Variants in ADAM12 observed in about 807,000 individuals in gnomAD.
The protein encoded by ADAM12 is disintegrin and metalloproteinase domain-containing protein 12.
Under a neutral mutation model 106.4 loss-of-function variants are expected in ADAM12, and 70 were observed. The observed-to-expected ratio is 0.66, with a 90% CI of 0.54 to 0.80. The LOEUF (loss-of-function observed/expected upper bound fraction) is 0.80, where lower values mean the gene tolerates loss of function less well. ADAM12 is among the 30% of genes least tolerant of loss of function. The probability of loss-of-function intolerance (pLI) is 0.00; values close to 1 mark genes in which losing one functional copy is unlikely to be tolerated. For missense variants in ADAM12, 1,010 were observed against 1,171.9 expected (o/e 0.86, Z 2.02); for synonymous variants, 420 against 433.5 (o/e 0.97, Z 0.39).
chr10:126,274,336 T>A (rs929176408), intron 3 of ADAM12, among the ~76,000 whole-genome samples: 1 of 152,166 alleles, frequency 6.6e-6, no homozygotes, highest in Non-Finnish European at 1.5e-5. Context: ...CTCCCCTGCC[T>A]AGGACCCACC....
chr10:126,047,061 G>A (rs565890053), intron 16 of ADAM12, among the ~76,000 whole-genome samples: 1 of 152,252 alleles, frequency 6.6e-6, no homozygotes, highest in Non-Finnish European at 1.5e-5. Context: ...GTAGTGGTAG[G>A]CATTTCCTAA....
intron 2 of ADAM12, among the ~76,000 whole-genome samples, chr10:126,326,599 C>T (rs1854312784): frequency 6.6e-6 from 1 of 152,150 alleles, no homozygotes; most frequent in Non-Finnish European, 1.5e-5. Context: ...ACTGGATTCC[C>T]CATGGCTCTC....
intron 8 of ADAM12, among the ~76,000 whole-genome samples, chr10:126,101,772 G>C (rs1311211446): frequency 6.6e-6 from 1 of 152,134 alleles, no homozygotes; most frequent in Non-Finnish European, 1.5e-5. Flanking sequence ...AATCAACGCA[G>C]GTTTTAATAA....
At chr10:126,351,495 C>T (rs1855357655) in intron 1 of ADAM12, among the ~76,000 whole-genome samples, 1 of 152,164 alleles carries the variant, frequency 6.6e-6, no homozygotes, top group African/African-American at 2.4e-5. Flanking sequence ...AGAGCCCATG[C>T]ATGGCATGTG....
chr10:126,060,498 A>G (rs532719668), intron 14 of ADAM12, among the ~76,000 whole-genome samples: 15 of 152,276 alleles, frequency 9.9e-5, no homozygotes, highest in African/African-American at 3.4e-4. Context: ...GAGTTCCTAC[A>G]TTTCCCAGGA....
intron 1 of ADAM12, among the ~76,000 whole-genome samples, chr10:126,332,369 T>C (rs943124149): frequency 6.6e-6 from 1 of 152,170 alleles, no homozygotes; most frequent in Non-Finnish European, 1.5e-5. Flanking sequence ...GAGAGGGACG[T>C]AGAGAAAACT....
At chr10:126,070,124 C>T (rs1049783897) in intron 12 of ADAM12, among the ~76,000 whole-genome samples, 7 of 152,140 alleles carry the variant, frequency 4.6e-5, no homozygotes, top group African/African-American at 1.4e-4. Context: ...ATTAACAAGG[C>T]CTACAAGGAA....
At chr10:126,299,960 C>G (rs1384027579) in intron 2 of ADAM12, among the ~76,000 whole-genome samples, 2 of 152,140 alleles carry the variant, frequency 1.3e-5, no homozygotes, top group Non-Finnish European at 2.9e-5. Context: ...AACTTTTTTT[C>G]TCTGACATCC....
rs71309277 is a variant in ADAM12, at chr10:126,043,234, GCC to G, written c.1996-88_1996-87del. 6 of 1,205,744 alleles carry G rather than the reference GCC, an allele frequency of 5.0e-6. No homozygotes were observed. Among genetic ancestry groups the G allele is most frequent in the Non-Finnish European group, 5.9e-6 (5 of 849,098 alleles). The allele number at this position is 1,205,744 out of a possible 1,614,324, so 74.7% of individuals were successfully genotyped here. On this transcript the variant is annotated intron_variant, in intron 17 of 22. Coordinates refer to ENST00000448723, the MANE Select transcript of ADAM12 (RefSeq NM_001288973.2). The surrounding 1 kb of genome is among the most constrained non-coding windows in gnomAD (Gnocchi z 4.1). ...AGAAGCAAGGGGGGCCATGGTCAGA[GCC>G]CCCCCCCAACACTGACACAGCCAGA...
chr10:126,301,143 T>A (rs1309313020), intron 2 of ADAM12, among the ~76,000 whole-genome samples: 1 of 152,116 alleles, frequency 6.6e-6, no homozygotes, highest in African/African-American at 2.4e-5. Flanking sequence ...CACAGGACAG[T>A]ACCCTCCCTC....
At chr10:126,340,933 T>A in intron 1 of ADAM12, among the ~76,000 whole-genome samples, 1 of 152,030 alleles carries the variant, frequency 6.6e-6, no homozygotes, top group East Asian at 1.9e-4. Flanking sequence ...GCCAGGCTGG[T>A]CTTGAACTCC....
chr10:126,239,110 T>C (rs4379744), intron 3 of ADAM12, among the ~76,000 whole-genome samples: 3 of 152,358 alleles, frequency 2.0e-5, no homozygotes, highest in East Asian at 3.9e-4. Flanking sequence ...TTTTTTAGCA[T>C]GCAGTAAGGG....
At chr10:126,295,044 A>AT (rs1375915731) in intron 2 of ADAM12, among the ~76,000 whole-genome samples, 2 of 152,254 alleles carry the variant, frequency 1.3e-5, no homozygotes, top group African/African-American at 4.8e-5. Context: ...TTCCTTGCTA[A>AT]TTTTTTACAA....
chr10:126,375,980 A>T (rs960090485), intron 1 of ADAM12, among the ~76,000 whole-genome samples: 4 of 150,938 alleles, frequency 2.7e-5, no homozygotes, highest in African/African-American at 9.8e-5. Context: ...GGCTCAAGTA[A>T]TCCCCCCTCC....
At chr10:126,042,077 A>G in intron 18 of ADAM12, 1 of 1,589,874 alleles carries the variant, frequency 6.3e-7, no homozygotes, top group Non-Finnish European at 8.6e-7. Context: ...GGCCTTGGGG[A>G]CGCGTGACCT....
intron 2 of ADAM12, among the ~76,000 whole-genome samples, chr10:126,298,115 A>ACATCATCT (rs1368403767): frequency 6.6e-6 from 1 of 152,148 alleles, no homozygotes; most frequent in Non-Finnish European, 1.5e-5. Context: ...CAACCATATG[A>ACATCATCT]CATCATCTAG....
intron 2 of ADAM12, among the ~76,000 whole-genome samples, chr10:126,299,305 G>T (rs1960515037): frequency 6.6e-6 from 1 of 152,186 alleles, no homozygotes; most frequent in Non-Finnish European, 1.5e-5. Flanking sequence ...TAGGGATTTA[G>T]CCCAGATTTC....
intron 1 of ADAM12, among the ~76,000 whole-genome samples, chr10:126,371,468 C>A (rs1856111777): frequency 6.6e-6 from 1 of 152,176 alleles, no homozygotes; most frequent in Admixed American, 6.5e-5. Flanking sequence ...GATGAACAAT[C>A]TTAGTAGTGT....
intron 1 of ADAM12, among the ~76,000 whole-genome samples, chr10:126,381,484 A>T (rs1214947382): frequency 2.0e-5 from 3 of 152,056 alleles, no homozygotes; most frequent in Non-Finnish European, 2.9e-5. Context: ...ATAAAAATTT[A>T]AAAATTATAT....
Sources: allele counts gnomAD v4.1 joint callset (sites outside exome capture counted in the v4.1 genomes callset), GRCh38; gene constraint gnomAD v4.1.1; non-coding constraint Gnocchi (gnomAD v3.1); transcripts MANE v1.5; gene names NCBI Gene and HGNC (gene_info 2026-07-23, HGNC 2026-07-21).